Variants in GPHN observed in about 807,000 individuals in gnomAD.
GPHN encodes gephyrin.
GPHN carries 17 observed loss-of-function variants against 95.5 expected under a neutral mutation model. The observed-to-expected ratio is 0.18, with a 90% CI of 0.12 to 0.27. The LOEUF (loss-of-function observed/expected upper bound fraction) is 0.27. Ranked by LOEUF, GPHN falls within the 10% of genes least tolerant of loss-of-function variation. The pLI is 1.00. For missense variants in GPHN, 660 were observed against 978.1 expected (o/e 0.67, Z 4.34); for synonymous variants, 320 against 322.5 (o/e 0.99, Z 0.08).
chr14:67,101,927 A>G (rs953464983), intron 13 of GPHN, among the ~76,000 whole-genome samples: 1 of 151,858 alleles, frequency 6.6e-6, no homozygotes, highest in African/African-American at 2.4e-5. Flanking sequence ...GCTGGAGTGC[A>G]GTGGCGCGAT....
chr14:67,103,599 C>T (rs2077860521), intron 13 of GPHN, among the ~76,000 whole-genome samples: 1 of 118,328 alleles, frequency 8.5e-6, no homozygotes, highest in Non-Finnish European at 1.7e-5. Context: ...TTTTTTACCT[C>T]TTTGGCTAAA....
chr14:66,598,383 A>ATAATTT lies in GPHN; in HGVS notation c.65-82720_65-82719insTTTAAT, dbSNP rs113350392. On this transcript the variant is annotated intron_variant, in intron 1 of 22. Transcript: ENST00000478722. ...ATCATGTTTTATATTATAAATATAT[A>ATAATTT]TAATCAGTTAAAAAAAAGTACTGAG... 4.3e-3 allele frequency among the ~76,000 whole-genome samples: 553 copies of ATAATTT among 129,692 alleles called. 12 individuals carry two copies. The highest frequency in any genetic ancestry group is 0.021 in the African/African-American group (527 of 24,858). 85.1% of individuals were successfully genotyped at this position (129,692 alleles called of 152,430 possible).
the GPHN span, chr14:67,695,700 C>T: frequency 6.2e-7 from 1 of 1,614,004 alleles, no homozygotes; most frequent in Non-Finnish European, 8.5e-7. Flanking sequence ...ATGAGCTCAA[C>T]CATCTCTGCC....
the GPHN span, chr14:67,615,998 G>A: frequency 3.5e-6 from 1 of 288,014 alleles, no homozygotes; most frequent in Non-Finnish European, 6.9e-6. Flanking sequence ...CAGCCAAAAA[G>A]GGAGTTGTTG....
Position 66,536,039 on chromosome 14 carries a change from AT to A in GPHN, c.64+27449del, listed in dbSNP as rs1229909100. 4.7e-4 allele frequency among the ~76,000 whole-genome samples: 71 copies of A among 152,154 alleles called. 1 individual carries two copies. Among genetic ancestry groups the A allele is most frequent in the Non-Finnish European group, 1.2e-4 (8 of 68,024 alleles). ...GGAAAATGTTCAATATTTACCAATT[AT>A]GATGTTAGTTGTAAGTTTTATAGGT... On this transcript the variant is annotated intron_variant, in intron 1 of 22. Transcript: ENST00000478722.
intron 3 of GPHN, among the ~76,000 whole-genome samples, chr14:66,814,440 C>T (rs2153485261): frequency 6.6e-6 from 1 of 152,278 alleles, no homozygotes. Flanking sequence ...GATGCTGCAC[C>T]TCAGAACCCC....
the GPHN span, among the ~76,000 whole-genome samples, chr14:67,448,714 C>G: frequency 1.3e-5 from 2 of 152,226 alleles, no homozygotes; most frequent in South Asian, 4.2e-4. Flanking sequence ...ACTTCAGTGT[C>G]ACGCTCTCAG....
intron 2 of GPHN, among the ~76,000 whole-genome samples, chr14:66,763,691 C>G (rs1241747132): frequency 6.6e-6 from 1 of 151,930 alleles, no homozygotes; most frequent in Non-Finnish European, 1.5e-5. Flanking sequence ...CATGAGTAAT[C>G]TAGAGATGAT....
At chr14:67,016,804 C>T (rs1950284) in intron 9 of GPHN, among the ~76,000 whole-genome samples, 36,955 of 152,018 alleles carry the variant, frequency 0.24, 8,941 homozygotes, top group African/African-American at 0.59. Context: ...GTCACTGATT[C>T]CTAGCATGAT....
At chr14:66,907,185 T>C (rs2065428795) in intron 5 of GPHN, among the ~76,000 whole-genome samples, 2 of 152,172 alleles carry the variant, frequency 1.3e-5, no homozygotes, top group South Asian at 4.1e-4. Flanking sequence ...CAAGATTTAC[T>C]TCAATAGGTA....
chr14:67,285,430 G>A, the GPHN span, among the ~76,000 whole-genome samples: 8 of 149,810 alleles, frequency 5.3e-5, no homozygotes, highest in Non-Finnish European at 1.2e-4. Flanking sequence ...GCAGTGGCGC[G>A]ATCTCGGCTC....
chr14:67,342,725 C>A, the GPHN span, among the ~76,000 whole-genome samples: 27 of 150,426 alleles, frequency 1.8e-4, no homozygotes, highest in Admixed American at 1.6e-3. Context: ...GTTAATATAT[C>A]ATATTATACA....
chr14:67,396,125 G>A, the GPHN span, among the ~76,000 whole-genome samples: 5 of 151,768 alleles, frequency 3.3e-5, no homozygotes, highest in Non-Finnish European at 5.9e-5. Context: ...CATCCAGGTC[G>A]CTTTGTTTTT....
chr14:66,861,321 A>T (rs1419587298), intron 4 of GPHN, among the ~76,000 whole-genome samples: 1 of 152,036 alleles, frequency 6.6e-6, no homozygotes, highest in Non-Finnish European at 1.5e-5. Flanking sequence ...CAATGAACCC[A>T]ATGCTGGAGC....
intron 2 of GPHN, among the ~76,000 whole-genome samples, chr14:66,726,001 C>T (rs933022749): frequency 2.6e-5 from 4 of 152,170 alleles, no homozygotes; most frequent in African/African-American, 9.7e-5. Flanking sequence ...ATCTCTAAAT[C>T]AGTTTCTTCT....
chr14:67,534,243 A>T, the GPHN span, among the ~76,000 whole-genome samples: 2 of 152,142 alleles, frequency 1.3e-5, no homozygotes, highest in South Asian at 4.1e-4. Flanking sequence ...TCTGCATATT[A>T]TTGGCCCCAT....
the GPHN span, among the ~76,000 whole-genome samples, chr14:67,261,190 A>C: frequency 1.3e-5 from 2 of 152,194 alleles, no homozygotes; most frequent in Non-Finnish European, 2.9e-5. Flanking sequence ...AAACTTGAAA[A>C]GGGACACTGT....
intron 3 of GPHN, among the ~76,000 whole-genome samples, chr14:66,785,617 G>A (rs570714069): frequency 1.4e-5 from 2 of 145,488 alleles, no homozygotes; most frequent in South Asian, 4.5e-4. Context: ...CATTTACCTT[G>A]GAAAACCATA....
chr14:67,301,963 T>G, the GPHN span: 1 of 1,580,822 alleles, frequency 6.3e-7, no homozygotes, highest in Non-Finnish European at 8.6e-7. Flanking sequence ...ATGGATTTCT[T>G]TGAAACAGGC....
Sources: gnomAD v4.1 joint callset for allele counts (sites outside exome capture counted in the v4.1 genomes callset) on GRCh38, gnomAD v4.1.1 for gene constraint, MANE v1.5 for transcripts, NCBI Gene and HGNC (gene_info 2026-07-23, HGNC 2026-07-21) for gene names.